The following TUB variants were observed in gnomAD, a reference collection of about 807,000 sequenced individuals.
TUB encodes tubby protein homolog.
A neutral mutation model predicts 59.7 loss-of-function variants in TUB; 33 were observed. The observed-to-expected ratio is 0.55, with a 90% CI of 0.42 to 0.74. TUB has a LOEUF of 0.74. TUB is among the 30% of genes least tolerant of loss of function. The pLI is 0.00. For synonymous variants in TUB, 293 were observed against 256.4 expected (o/e 1.14, Z -1.36); for missense variants, 659 against 672.0 (o/e 0.98, Z 0.21).
intron 1 of TUB, among the ~76,000 whole-genome samples, chr11:8,086,951 C>T (rs1193760056): frequency 6.6e-6 from 1 of 152,158 alleles, no homozygotes; most frequent in Non-Finnish European, 1.5e-5. Context: ...TCAGGGTCAC[C>T]GAAGCCTGTG....
intron 1 of TUB, among the ~76,000 whole-genome samples, chr11:8,028,689 T>C (rs1321783158): frequency 6.6e-6 from 1 of 152,208 alleles, no homozygotes; most frequent in Non-Finnish European, 1.5e-5. Context: ...TTTCTCTCAC[T>C]GAATGGACTT....
intron 1 of TUB, among the ~76,000 whole-genome samples, chr11:8,085,176 CTTG>C (rs1278340456): frequency 6.6e-6 from 1 of 152,200 alleles, no homozygotes; most frequent in Non-Finnish European, 1.5e-5. Context: ...CCCTGATTTT[CTTG>C]TTGTTCTTTA....
chr11:8,047,062 G>C (rs1367313370), intron 2 of TUB, among the ~76,000 whole-genome samples: 1 of 152,178 alleles, frequency 6.6e-6, no homozygotes, highest in Non-Finnish European at 1.5e-5. Context: ...ACAGAGCACT[G>C]CATTCTTAGT....
chr11:8,027,538 G>A (rs1942516180), intron 1 of TUB, among the ~76,000 whole-genome samples: 1 of 151,716 alleles, frequency 6.6e-6, no homozygotes, highest in African/African-American at 2.4e-5. Flanking sequence ...TTTTTGAGAT[G>A]GAGTCTTGCT....
intron 2 of TUB, among the ~76,000 whole-genome samples, chr11:8,070,431 T>G (rs78534145): frequency 6.6e-6 from 1 of 152,046 alleles, no homozygotes; most frequent in Non-Finnish European, 1.5e-5. Context: ...CAAATGATAA[T>G]TTTTTTATAG....
At position 8,096,713 on chromosome 11, in the gene TUB, G is replaced by A; in HGVS notation, c.594G>A (p.Glu198=). Residue 198 remains glutamate, a synonymous_variant, in exon 6 of 12, where the codon GAG becomes GAA. Coordinates refer to ENST00000299506, the MANE Select transcript of TUB (RefSeq NM_177972.3). ...KGISSSMSFD[E]DEEDEEENSS... ...TCTCCAGCAGCATGAGCTTTGACGA[G>A]GATGAGGAGGATGAGGAGGAGAATA... 6.2e-7 allele frequency: 1 copy of A among 1,612,986 alleles called. No individual in the cohort carries two copies. The highest frequency in any genetic ancestry group is 8.5e-7 in the Non-Finnish European group (1 of 1,179,206).
intron 2 of TUB, among the ~76,000 whole-genome samples, chr11:8,049,604 T>TAGATACAC (rs1554923472): frequency 0.017 from 2,470 of 146,464 alleles, 70 homozygotes; most frequent in African/African-American, 0.059. Context: ...GATAGATAGA[T>TAGATACAC]ACACACACAC....
chr11:8,098,819 T>C lies in TUB; in HGVS notation c.1060T>C (p.Ser354Pro), dbSNP rs373177510. Residue 354 changes from serine (S) to proline (P), a missense_variant, in exon 9 of 12, where the codon TCA becomes CCA. Ser to Pro is a moderately conservative substitution (Grantham distance 74). Around this residue, in one of 3 missense-constraint regions of TUB, gnomAD observed 226 missense variants for 210.8 expected, o/e 1.07. Coordinates refer to ENST00000299506, the MANE Select transcript of TUB (RefSeq NM_177972.3). ...YDNGVNPQKASSSTLESGTLR... is the reference protein window; with the variant it reads ...YDNGVNPQKAPSSTLESGTLR... ...CAATGGAGTCAACCCTCAGAAGGCC[T>C]CATCCTCCACTTTGGAAAGTGGAAC... 5 of 1,614,092 alleles carry C rather than the reference T, an allele frequency of 3.1e-6. No homozygotes were observed. The African/African-American group carries it at 6.7e-5, about 22-fold the overall frequency.
rs1213853190 is a variant in TUB at position 8,103,334 on chromosome 11, A to G, written c.*1715A>G. 2 of 152,230 alleles carry G rather than the reference A, an allele frequency of 1.3e-5. No individual in the cohort carries two copies. The highest frequency in any genetic ancestry group is 2.9e-5 in the Non-Finnish European group (2 of 68,038). 9.4% of individuals were successfully genotyped at this position (152,230 alleles called of 1,614,324 possible). A position where few individuals can be genotyped will look rare whatever the true frequency, so the allele number is the denominator to read the frequency against. Reference sequence around the variant, plus strand: ...AGATAGAGATCTGAAATTGGTGGGAAGCAAGCAGGGGTCGTACCTTGCTTT... The same window carrying G: ...AGATAGAGATCTGAAATTGGTGGGAGGCAAGCAGGGGTCGTACCTTGCTTT... On this transcript the variant is annotated 3_prime_UTR_variant, in exon 12 of 12. Coordinates refer to ENST00000299506, the MANE Select transcript of TUB (RefSeq NM_177972.3).
intron 2 of TUB, among the ~76,000 whole-genome samples, chr11:8,053,079 T>C (rs1942958305): frequency 6.6e-6 from 1 of 152,246 alleles, no homozygotes. Flanking sequence ...TACTAATAAA[T>C]TTCTTTTAAC....
intron 1 of TUB, among the ~76,000 whole-genome samples, chr11:8,088,472 C>T (rs1187841892): frequency 6.6e-6 from 1 of 152,244 alleles, no homozygotes; most frequent in African/African-American, 2.4e-5. Context: ...ACACCCACTT[C>T]TTCACAGGTG....
chr11:8,047,483 C>T (rs189625053), intron 2 of TUB, among the ~76,000 whole-genome samples: 1 of 152,258 alleles, frequency 6.6e-6, no homozygotes, highest in East Asian at 1.9e-4. Context: ...ATTATAAGTG[C>T]ACTGGATGAA....
intron 2 of TUB, among the ~76,000 whole-genome samples, chr11:8,052,603 G>A (rs1267454618): frequency 1.3e-5 from 2 of 151,712 alleles, no homozygotes; most frequent in African/African-American, 2.4e-5. Context: ...TCATGTAGCC[G>A]GGACTACAGG....
At chr11:8,073,174 C>T (rs1482672247) in intron 2 of TUB, among the ~76,000 whole-genome samples, 1 of 152,226 alleles carries the variant, frequency 6.6e-6, no homozygotes. Flanking sequence ...CAGCTCACAG[C>T]TTGACTCCAA....
At chr11:8,020,915 T>C (rs7113327) in intron 1 of TUB, among the ~76,000 whole-genome samples, 86,200 of 152,126 alleles carry the variant, frequency 0.57, 25,593 homozygotes, top group African/African-American at 0.73. Flanking sequence ...GATAAAAAGA[T>C]AGAATTTCCT....
chr11:8,073,289 G>T (rs569279495), intron 2 of TUB, among the ~76,000 whole-genome samples: 1 of 152,290 alleles, frequency 6.6e-6, no homozygotes, highest in South Asian at 2.1e-4. Flanking sequence ...GGAGCAAAAA[G>T]GTGGTGTGTT....
intron 1 of TUB, among the ~76,000 whole-genome samples, chr11:8,024,166 G>A (rs1942469490): frequency 6.6e-6 from 1 of 152,138 alleles, no homozygotes; most frequent in Non-Finnish European, 1.5e-5. Context: ...TGTATTACAT[G>A]GTAGATTATT....
intron 1 of TUB, among the ~76,000 whole-genome samples, chr11:8,025,502 G>A (rs1048360718): frequency 3.3e-5 from 5 of 152,064 alleles, no homozygotes; most frequent in African/African-American, 7.2e-5. Context: ...CCAACTCCCC[G>A]CACCCACTCC....
chr11:8,033,551 G>A (rs183913032), intron 1 of TUB, among the ~76,000 whole-genome samples: 53 of 152,290 alleles, frequency 3.5e-4, no homozygotes, highest in Non-Finnish European at 1.9e-4. Flanking sequence ...CCCTTCTGAA[G>A]GGGCCCTCAG....
Sources: allele counts gnomAD v4.1 joint callset (sites outside exome capture counted in the v4.1 genomes callset), GRCh38; gene constraint gnomAD v4.1.1; regional missense constraint gnomAD v4.1.1; transcripts MANE v1.5; gene names NCBI Gene and HGNC (gene_info 2026-07-23, HGNC 2026-07-21).